The following PRMT8 variants were observed in gnomAD, a reference collection of about 807,000 sequenced individuals.
PRMT8 encodes the protein protein arginine N-methyltransferase 8.
Under a neutral mutation model 47.1 loss-of-function variants are expected in PRMT8, and 7 were observed. The ratio of observed to expected loss-of-function variants is 0.15; its 90% confidence interval spans 0.08 to 0.28. The LOEUF is 0.28. Ranked by LOEUF, PRMT8 falls within the 10% of genes least tolerant of loss-of-function variation. The pLI, the probability that PRMT8 is intolerant of heterozygous loss-of-function variation, is 1.00. For synonymous variants in PRMT8, 188 were observed against 186.5 expected (o/e 1.01, Z -0.07); for missense variants, 237 against 505.4 (o/e 0.47, Z 5.09).
At chr12:3,383,016 G>T (rs915770252) in intron 1 of PRMT8, among the ~76,000 whole-genome samples, 1 of 152,080 alleles carries the variant, frequency 6.6e-6, no homozygotes, top group East Asian at 1.9e-4. Context: ...TCACTTATGC[G>T]TATTTGTGCA....
At chr12:3,437,929 G>T (rs561811218) in intron 1 of PRMT8, among the ~76,000 whole-genome samples, 1 of 152,292 alleles carries the variant, frequency 6.6e-6, no homozygotes, top group Non-Finnish European at 1.5e-5. Flanking sequence ...GTAACTTGGG[G>T]TTTGGGAGTC....
chr12:3,531,767 G>A (rs1267503385), intron 1 of PRMT8, among the ~76,000 whole-genome samples: 2 of 152,186 alleles, frequency 1.3e-5, no homozygotes, highest in Non-Finnish European at 2.9e-5. Flanking sequence ...AGGTGGCGGC[G>A]CCCACACCCA....
intron 1 of PRMT8, among the ~76,000 whole-genome samples, chr12:3,397,705 C>A (rs2137049087): frequency 6.6e-6 from 1 of 152,244 alleles, no homozygotes; most frequent in Non-Finnish European, 1.5e-5. Flanking sequence ...CCTACAGAGG[C>A]AGGCAGGCCT....
chr12:3,472,311 C>G (rs2137095994), intron 1 of PRMT8, among the ~76,000 whole-genome samples: 1 of 152,274 alleles, frequency 6.6e-6, no homozygotes. Context: ...CTTTACATTT[C>G]TAAATTTCCA....
At chr12:3,399,906 T>G (rs373890424) in intron 1 of PRMT8, among the ~76,000 whole-genome samples, 28 of 152,300 alleles carry the variant, frequency 1.8e-4, no homozygotes, top group African/African-American at 6.0e-4. Context: ...CAAGGCCAGA[T>G]AGAAGAAACT....
intron 1 of PRMT8, among the ~76,000 whole-genome samples, chr12:3,425,057 G>C (rs1864588081): frequency 6.6e-6 from 1 of 152,114 alleles, no homozygotes; most frequent in Non-Finnish European, 1.5e-5. Flanking sequence ...TTGGAGGTTG[G>C]GCCTGCTAGA....
At chr12:3,420,592 C>A (rs1864531007) in intron 1 of PRMT8, among the ~76,000 whole-genome samples, 1 of 152,090 alleles carries the variant, frequency 6.6e-6, no homozygotes. Flanking sequence ...AGGTGCAGGC[C>A]CCACTGAGAA....
chr12:3,448,258 G>A lies in PRMT8; in HGVS notation c.48+66816G>A, dbSNP rs1864879279. 2.0e-5 allele frequency among the ~76,000 whole-genome samples: 3 copies of A among 152,088 alleles called. No homozygotes were observed. The South Asian group carries it at 6.2e-4, about 32-fold the overall frequency. ...AGCCTCAAGTGATCCTCCTGCCTTG[G>A]CCTCCCAAAGTGTTGGAATTACAGG... On this transcript the variant is annotated intron_variant, in intron 1 of 9. Transcript: ENST00000452611.
intron 1 of PRMT8, among the ~76,000 whole-genome samples, chr12:3,465,553 G>A (rs1006206182): frequency 6.6e-6 from 1 of 152,006 alleles, no homozygotes; most frequent in Non-Finnish European, 1.5e-5. Context: ...ACTGGAAGCA[G>A]GTTTGAGCCA....
Position 3,451,033 on chromosome 12 carries a change from A to ACCCCCCCCCCC in PRMT8, c.48+69603_48+69613dup, listed in dbSNP as rs71061115. ...TGAAAGCAGTTTTGATCTTGCTGAC[A>ACCCCCCCCCCC]CCCCCCCCCCCCCCCCCCCCCCGCC... On this transcript the variant is annotated intron_variant, in intron 1 of 9. Coordinates refer to the PRMT8 transcript ENST00000452611. 1.0e-3 allele frequency among the ~76,000 whole-genome samples: 27 copies of ACCCCCCCCCCC among 26,122 alleles called. 11 individuals are homozygous for ACCCCCCCCCCC. The highest frequency in any genetic ancestry group is 9.5e-3 in the East Asian group (2 of 210). The allele number at this position is 26,122 out of a possible 152,430, so 17.1% of individuals were successfully genotyped here. A position where few individuals can be genotyped will look rare whatever the true frequency, so the allele number is the denominator to read the frequency against.
At chr12:3,418,054 C>T (rs1864501693) in intron 1 of PRMT8, among the ~76,000 whole-genome samples, 1 of 152,220 alleles carries the variant, frequency 6.6e-6, no homozygotes, top group Admixed American at 6.5e-5. Context: ...ATGCAAGATA[C>T]TTAGAACAGC....
At chr12:3,516,776 G>C (rs548099243) in intron 1 of PRMT8, among the ~76,000 whole-genome samples, 4 of 152,256 alleles carry the variant, frequency 2.6e-5, no homozygotes, top group Admixed American at 1.3e-4. Flanking sequence ...GCCGATGCTT[G>C]TTTGTTGGCC....
chr12:3,437,127 G>T (rs1257519141), intron 1 of PRMT8, among the ~76,000 whole-genome samples: 1 of 152,134 alleles, frequency 6.6e-6, no homozygotes, highest in Non-Finnish European at 1.5e-5. Context: ...CACTGAGTTT[G>T]CACTGTAGGC....
At chr12:3,536,519 G>A (rs1482652042) in intron 1 of PRMT8, among the ~76,000 whole-genome samples, 1 of 152,198 alleles carries the variant, frequency 6.6e-6, no homozygotes, top group Non-Finnish European at 1.5e-5. Flanking sequence ...CTGTGACCTT[G>A]ACCGTGCACA....
chr12:3,459,765 C>T (rs146640940), intron 1 of PRMT8, among the ~76,000 whole-genome samples: 1 of 152,226 alleles, frequency 6.6e-6, no homozygotes, highest in Non-Finnish European at 1.5e-5. Context: ...AGCCTTCCTC[C>T]TCCCCTGTCT....
chr12:3,507,279 G>A (rs1376295472), intron 1 of PRMT8, among the ~76,000 whole-genome samples: 1 of 151,894 alleles, frequency 6.6e-6, no homozygotes, highest in East Asian at 1.9e-4. Context: ...CCGCCACTGC[G>A]CCCGGCTAAT....
chr12:3,505,191 C>G (rs529294509), intron 1 of PRMT8, among the ~76,000 whole-genome samples: 2 of 151,988 alleles, frequency 1.3e-5, no homozygotes, highest in African/African-American at 2.4e-5. Flanking sequence ...AGCTGTAGAC[C>G]GGAGCTGTTC....
At chr12:3,530,036 A>G (rs997440679) in intron 1 of PRMT8, among the ~76,000 whole-genome samples, 1 of 152,230 alleles carries the variant, frequency 6.6e-6, no homozygotes, top group Non-Finnish European at 1.5e-5. Flanking sequence ...TTTGCAAGAT[A>G]TGTTCTTCTC....
Position 3,456,989 on chromosome 12 carries a change from G to A in PRMT8, c.48+75547G>A, listed in dbSNP as rs988473868. Among the ~76,000 whole-genome samples, 3 of 152,230 alleles carry A rather than the reference G, an allele frequency of 2.0e-5. No homozygotes were observed. The highest frequency in any genetic ancestry group is 6.5e-5 in the Admixed American group (1 of 15,288). On this transcript the variant is annotated intron_variant, in intron 1 of 9. Coordinates refer to the PRMT8 transcript ENST00000452611. This position sits in a 1 kb window ranked among gnomAD's most constrained non-coding sequence, Gnocchi z 4.2. The stretch of plus-strand genomic sequence containing the variant: ...CCTCGCCTGCCATGGCAACTGTAAG[G>A]CTGGAGAAATAGAGTTCCAGCGCCA...
Sources: allele counts gnomAD v4.1 joint callset (sites outside exome capture counted in the v4.1 genomes callset), GRCh38; gene constraint gnomAD v4.1.1; non-coding constraint Gnocchi (gnomAD v3.1); transcripts MANE v1.5; gene names NCBI Gene and HGNC (gene_info 2026-07-23, HGNC 2026-07-21).